CRYL1: variants seen among roughly 807,000 people sequenced by gnomAD.
CRYL1 encodes the protein crystallin lambda 1.
In CRYL1, 29 loss-of-function variants were observed where a neutral mutation model predicts 36.6. That is an observed-to-expected ratio of 0.79 (90% CI 0.59 to 1.08). CRYL1 has a LOEUF of 1.08. Among genes scored for constraint, CRYL1 ranks in the 50% least tolerant of loss-of-function variants. The probability of loss-of-function intolerance (pLI) is 0.00; values close to 1 mark genes in which losing one functional copy is unlikely to be tolerated. For synonymous variants in CRYL1, 152 were observed against 151.5 expected, an observed-to-expected ratio of 1.00 and a Z score of -0.02; for missense variants, 411 against 407.9, an observed-to-expected ratio of 1.01 and a Z score of -0.06.
At chr13:20,514,908 T>C (rs1364705723) in intron 1 of CRYL1, among the ~76,000 whole-genome samples, 1 of 150,216 alleles carries the variant, frequency 6.7e-6, no homozygotes, top group Non-Finnish European at 1.5e-5. Context: ...TGAAAACATG[T>C]CCACAAAAAA....
Position 20,474,301 on chromosome 13 carries a change from C to T in CRYL1, c.276+15069G>A, listed in dbSNP as rs146563265. On this transcript the variant is annotated intron_variant, in intron 3 of 7. Coordinates refer to ENST00000298248, the MANE Select transcript of CRYL1 (RefSeq NM_015974.3). ...GAAACCTCCGGTCCGGGACCAGCGC[C>T]GGCAGCAGGCAGCTCTCACGCCCAC... Among the ~76,000 whole-genome samples the T allele has an allele frequency of 4.5e-3, 693 of 152,308 alleles. 7 individuals carry two copies. The highest frequency in any genetic ancestry group is 0.016 in the African/African-American group (666 of 41,576).
chr13:20,423,610 C>T (rs189544276), intron 5 of CRYL1, among the ~76,000 whole-genome samples: 45 of 151,800 alleles, frequency 3.0e-4, no homozygotes, highest in South Asian at 1.2e-3. Context: ...GATGAATTCC[C>T]CTTGATTATG....
At chr13:20,466,148 C>T (rs1322793252) in intron 3 of CRYL1, among the ~76,000 whole-genome samples, 1 of 152,122 alleles carries the variant, frequency 6.6e-6, no homozygotes, top group African/African-American at 2.4e-5. Flanking sequence ...ATAAATTGCC[C>T]AGCCTCAGGT....
chr13:20,474,299 G>A (rs778632393), intron 3 of CRYL1, among the ~76,000 whole-genome samples: 20 of 152,310 alleles, frequency 1.3e-4, no homozygotes, highest in African/African-American at 3.6e-4. Context: ...CGGGACCAGC[G>A]CCGGCAGCAG....
intron 2 of CRYL1, among the ~76,000 whole-genome samples, chr13:20,501,969 G>C (rs1022748358): frequency 6.6e-6 from 1 of 152,180 alleles, no homozygotes; most frequent in South Asian, 2.1e-4. Context: ...CATGTGGCAC[G>C]GTGATAGTGT....
chr13:20,504,569 G>T (rs1453295684), intron 2 of CRYL1, among the ~76,000 whole-genome samples: 1 of 152,040 alleles, frequency 6.6e-6, no homozygotes, highest in African/African-American at 2.4e-5. Context: ...GCCTCCCAAA[G>T]TGCTGGGATT....
intron 3 of CRYL1, among the ~76,000 whole-genome samples, chr13:20,450,487 C>CA (rs2032546499): frequency 6.6e-6 from 1 of 150,904 alleles, no homozygotes; most frequent in African/African-American, 2.4e-5. Flanking sequence ...TATGAGAATC[C>CA]TAGAAAAAAA....
In CRYL1 at chr13:20,420,701, TTG is replaced by T. The variant is rs1555226402; in HGVS notation, c.634-7316_634-7315del. Among the ~76,000 whole-genome samples the T allele has an allele frequency of 2.3e-3, 50 of 21,874 alleles. 5 individuals are homozygous for T. Among genetic ancestry groups the T allele is most frequent in the African/African-American group, 4.9e-3 (47 of 9,520 alleles). 14.4% of individuals were successfully genotyped at this position (21,874 alleles called of 152,430 possible). A position where few individuals can be genotyped will look rare whatever the true frequency, so the allele number is the denominator to read the frequency against. Reference sequence around the variant, plus strand: ...CTTTGACTTTTCTTTAAAATAGAGGTTGTGTGTGTGTGTGTGTGTGTGTGTGT... The same window carrying T: ...CTTTGACTTTTCTTTAAAATAGAGGTTGTGTGTGTGTGTGTGTGTGTGTGT... On this transcript the variant is annotated intron_variant, in intron 5 of 7. Coordinates refer to ENST00000298248, the MANE Select transcript of CRYL1 (RefSeq NM_015974.3).
chr13:20,490,924 G>A (rs1344994081), intron 2 of CRYL1, among the ~76,000 whole-genome samples: 1 of 151,968 alleles, frequency 6.6e-6, no homozygotes, highest in African/African-American at 2.4e-5. Flanking sequence ...TTTGTTTTTT[G>A]AGACAGGATC....
rs538873690 is a variant in CRYL1 at position 20,525,745 on chromosome 13, G to A, written c.41+9C>T. On this transcript the variant is annotated intron_variant, in intron 1 of 7. Coordinates refer to ENST00000298248, the MANE Select transcript of CRYL1 (RefSeq NM_015974.3). This position sits in a 1 kb window ranked among gnomAD's most constrained non-coding sequence, Gnocchi z 4.3. ...TCCAGGGGCAGCAGCGCGGCTCGGAGCCCTTTACCTGCCAACGATCACCAC... is the reference window on the plus strand; with the variant it reads ...TCCAGGGGCAGCAGCGCGGCTCGGAACCCTTTACCTGCCAACGATCACCAC... 2 of 1,338,716 alleles carry A rather than the reference G, an allele frequency of 1.5e-6. No individual in the cohort carries two copies. The highest frequency in any genetic ancestry group is 1.9e-5 in the South Asian group (1 of 51,718). The allele number at this position is 1,338,716 out of a possible 1,614,324, so 82.9% of individuals were successfully genotyped here. A position where few individuals can be genotyped will look rare whatever the true frequency, so the allele number is the denominator to read the frequency against.
At chr13:20,465,583 A>G (rs2137437451) in intron 3 of CRYL1, among the ~76,000 whole-genome samples, 1 of 152,296 alleles carries the variant, frequency 6.6e-6, no homozygotes, top group South Asian at 2.1e-4. Context: ...AATCCTGAGC[A>G]AGGGTAAGAG....
In CRYL1 at chr13:20,435,701, G is replaced by T. The variant is rs1213653034; in HGVS notation, c.439-3405C>A. The stretch of plus-strand genomic sequence containing the variant: ...GATACAACGGCAGCGCAGCGCAGGG[G>T]CCTGGGCCTGCGCAGGCCGGCGGAG... On this transcript the variant is annotated intron_variant, in intron 4 of 7. Transcript: ENST00000298248. The surrounding 1 kb of genome is among the most constrained non-coding windows in gnomAD (Gnocchi z 4.0). Among the ~76,000 whole-genome samples, 1 of 152,178 alleles carries T rather than the reference G, an allele frequency of 6.6e-6. No individual in the cohort carries two copies. The highest frequency in any genetic ancestry group is 1.5e-5 in the Non-Finnish European group (1 of 68,016).
At chr13:20,512,385 AC>A (rs2033930624) in intron 2 of CRYL1, 57 bp downstream of exon 2, 1 of 1,218,304 alleles carries the variant, frequency 8.2e-7, no homozygotes, top group African/African-American at 1.5e-5. Context: ...GACAAACAAG[AC>A]CAACTGAGAG....
chr13:20,487,119 T>C (rs1240918015), intron 3 of CRYL1, among the ~76,000 whole-genome samples: 1 of 151,978 alleles, frequency 6.6e-6, no homozygotes. Flanking sequence ...AATCATATGA[T>C]AAACTATCAA....
chr13:20,509,582 C>T (rs7321705), intron 2 of CRYL1, among the ~76,000 whole-genome samples: 74,257 of 152,038 alleles, frequency 0.49, 20,762 homozygotes, highest in East Asian at 0.81. Flanking sequence ...GACAAACATA[C>T]GAAAAGATGC....
At chr13:20,451,204 T>A (rs2137417733) in intron 3 of CRYL1, among the ~76,000 whole-genome samples, 1 of 151,610 alleles carries the variant, frequency 6.6e-6, no homozygotes, top group South Asian at 2.1e-4. Flanking sequence ...GAACTTAAAG[T>A]ATAATTTAAA....
intron 3 of CRYL1, among the ~76,000 whole-genome samples, chr13:20,483,514 C>T (rs2137463942): frequency 6.6e-6 from 1 of 152,046 alleles, no homozygotes; most frequent in Non-Finnish European, 1.5e-5. Flanking sequence ...TCTAAAAGAG[C>T]TCTGTACAGT....
intron 5 of CRYL1, among the ~76,000 whole-genome samples, chr13:20,421,743 A>G (rs959941401): frequency 9.9e-5 from 15 of 152,012 alleles, no homozygotes; most frequent in African/African-American, 3.6e-4. Context: ...TCAAGCACCT[A>G]TTGGTAATGA....
chr13:20,501,981 T>C (rs1259285642), intron 2 of CRYL1, among the ~76,000 whole-genome samples: 1 of 152,188 alleles, frequency 6.6e-6, no homozygotes, highest in Non-Finnish European at 1.5e-5. Flanking sequence ...TGATAGTGTG[T>C]GGACACTAAC....
Sources: allele counts gnomAD v4.1 joint callset (sites outside exome capture counted in the v4.1 genomes callset), GRCh38; gene constraint gnomAD v4.1.1; non-coding constraint Gnocchi (gnomAD v3.1); transcripts MANE v1.5; gene names NCBI Gene and HGNC (gene_info 2026-07-23, HGNC 2026-07-21).